Variants in BLNK observed in about 807,000 individuals in gnomAD.
BLNK encodes B cell linker.
In BLNK, 29 loss-of-function variants were observed where a neutral mutation model predicts 73.5. That is an observed-to-expected ratio of 0.39 (90% CI 0.29 to 0.54). The LOEUF (loss-of-function observed/expected upper bound fraction) is 0.54, where lower values mean the gene tolerates loss of function less well. BLNK is among the 20% of genes least tolerant of loss of function. BLNK has a pLI of 0.61. For missense variants in BLNK, 460 were observed against 562.8 expected (o/e 0.82, Z 1.85); for synonymous variants, 176 against 200.8 (o/e 0.88, Z 1.04).
intron 1 of BLNK, among the ~76,000 whole-genome samples, chr10:96,265,490 C>G (rs913391899): frequency 6.6e-6 from 1 of 152,188 alleles, no homozygotes; most frequent in Non-Finnish European, 1.5e-5. Flanking sequence ...CAGGAGAGAG[C>G]AACTTATAGC....
intron 3 of BLNK, among the ~76,000 whole-genome samples, chr10:96,237,418 A>G (rs12765160): frequency 0.26 from 39,049 of 152,034 alleles, 6,164 homozygotes; most frequent in Non-Finnish European, 0.35. Flanking sequence ...TCCTCCCTGC[A>G]TGATAGCAGA....
At chr10:96,203,750 T>C (rs943805410) in intron 13 of BLNK, 3 of 234,298 alleles carry the variant, frequency 1.3e-5, no homozygotes, top group Non-Finnish European at 2.5e-5. Flanking sequence ...TTACTTGATC[T>C]TATTATTTTG....
intron 8 of BLNK, among the ~76,000 whole-genome samples, chr10:96,215,065 G>T (rs2084032687): frequency 6.6e-6 from 1 of 152,128 alleles, no homozygotes; most frequent in Non-Finnish European, 1.5e-5. Context: ...CTCAGTCAAG[G>T]AAGGGGACAC....
intron 8 of BLNK, among the ~76,000 whole-genome samples, chr10:96,211,074 G>A (rs1286877215): frequency 6.6e-6 from 1 of 151,848 alleles, no homozygotes; most frequent in Non-Finnish European, 1.5e-5. Context: ...ATGTTGCCCA[G>A]GCTGGCCTTG....
chr10:96,228,202 C>T (rs1554903136), intron 4 of BLNK, among the ~76,000 whole-genome samples: 2 of 151,130 alleles, frequency 1.3e-5, no homozygotes. Context: ...TGGGTTCCAG[C>T]GATTCTCCTG....
In BLNK at chr10:96,204,569, C is replaced by T. The variant is rs782467007; in HGVS notation, c.865G>A (p.Glu289Lys). 2 of 1,614,120 alleles carry T rather than the reference C, an allele frequency of 1.2e-6. No individual in the cohort carries two copies. The highest frequency in any genetic ancestry group is 1.7e-6 in the Non-Finnish European group (2 of 1,179,962). ...GGAAACACTGGTGACTGCACAGCTT[C>T]TTGTCTGTGACTTGACCCTCGGTGG... ...ERHRGSSHRQEAVQSPVFPPA... is the reference protein window; with the variant it reads ...ERHRGSSHRQKAVQSPVFPPA... The change falls in exon 12 of 17, where the codon GAA becomes AAA. Residue 289 changes from glutamate (E) to lysine (K), a missense_variant. This residue lies in a region of BLNK where 233 missense variants were observed against 232.1 expected (regional missense o/e 1.00). Coordinates refer to ENST00000224337, the MANE Select transcript of BLNK (RefSeq NM_013314.4).
chr10:96,227,435 C>T lies in BLNK; in HGVS notation c.336G>A (p.Leu112=). Residue 112 remains leucine, a synonymous_variant, in exon 5 of 17, where the codon CTG becomes CTA. Coordinates refer to ENST00000224337, the MANE Select transcript of BLNK (RefSeq NM_013314.4). ...EQETRPVHPA[L]PFARGEYIDN... ...CTATATACTCGCCTCTGGCGAAGGG[C>T]AGGGCTGGGTGAACCGGCCTGGTTT... 4 of 1,614,150 alleles carry T rather than the reference C, an allele frequency of 2.5e-6. No individual in the cohort carries two copies. Among genetic ancestry groups the T allele is most frequent in the Non-Finnish European group, 2.5e-6 (3 of 1,180,052 alleles).
intron 8 of BLNK, among the ~76,000 whole-genome samples, chr10:96,214,859 G>T (rs2084028141): frequency 6.6e-6 from 1 of 152,144 alleles, no homozygotes; most frequent in Non-Finnish European, 1.5e-5. Context: ...CACAGAGTAG[G>T]GGCTATGAGC....
At position 96,190,309 on chromosome 10, in the gene BLNK, G is replaced by A. The variant is rs1554893097; in HGVS notation, c.*1664C>T. 2.6e-5 allele frequency: 16 copies of A among 619,052 alleles called. No individual in the cohort carries two copies. The East Asian group carries it at 3.3e-4, about 13-fold the overall frequency. The allele number at this position is 619,052 out of a possible 1,614,324, so 38.3% of individuals were successfully genotyped here. ...GAACAGCCATACAGGATGGAATCAC[G>A]CCAGTAGTATTGTTCCTGTGTGTCT... On this transcript the variant is annotated 3_prime_UTR_variant, in exon 17 of 17. Transcript: ENST00000224337.
intron 15 of BLNK, among the ~76,000 whole-genome samples, chr10:96,198,263 T>C (rs750371882): frequency 6.6e-6 from 1 of 152,058 alleles, no homozygotes; most frequent in African/African-American, 2.4e-5. Context: ...AAGACAGTGA[T>C]GGGAGAAAAA....
chr10:96,230,807 C>G lies in BLNK; in HGVS notation c.191G>C (p.Trp64Ser), dbSNP rs1842471945. 1.9e-6 allele frequency: 3 copies of G among 1,610,986 alleles called. 1 individual carries two copies. Among genetic ancestry groups the G allele is most frequent in the Admixed American group, 3.4e-5 (2 of 59,682 alleles). Reference protein sequence around the residue: ...SESPADEEEQWSDDFDSDYEN... With the variant: ...SESPADEEEQSSDDFDSDYEN... ...GCAAATACTTACAAAGTCATCGGACCACTGCTCCTCTTCGTCAGCAGGGCT... is the reference window on the plus strand; with the variant it reads ...GCAAATACTTACAAAGTCATCGGACGACTGCTCCTCTTCGTCAGCAGGGCT... Residue 64 changes from tryptophan (W) to serine (S), a missense_variant, in exon 4 of 17, where the codon TGG becomes TCG. By Grantham distance (177) the Trp-to-Ser change is radical. This residue lies in a region of BLNK where 139 missense variants were observed against 187.3 expected (regional missense o/e 0.74). Coordinates refer to ENST00000224337, the MANE Select transcript of BLNK (RefSeq NM_013314.4).
intron 5 of BLNK, among the ~76,000 whole-genome samples, chr10:96,225,459 C>T (rs1360220110): frequency 6.6e-6 from 1 of 152,176 alleles, no homozygotes; most frequent in Non-Finnish European, 1.5e-5. Context: ...CCTCAGAAGC[C>T]TCTTTCTGGT....
intron 3 of BLNK, chr10:96,239,102 G>C: frequency 2.5e-6 from 1 of 398,618 alleles, no homozygotes; most frequent in Non-Finnish European, 4.4e-6. Flanking sequence ...CTGCATTCCA[G>C]GAGAGATTAA....
intron 6 of BLNK, among the ~76,000 whole-genome samples, chr10:96,216,983 G>A (rs186261718): frequency 1.6e-4 from 25 of 152,220 alleles, no homozygotes; most frequent in Admixed American, 7.9e-4. Context: ...CCCATCCACC[G>A]CTTCCTTGAC....
At position 96,190,232 on chromosome 10, in the gene BLNK, C is replaced by A; in HGVS notation, c.*1741G>T. 1.3e-6 allele frequency: 1 copy of A among 749,974 alleles called. No individual in the cohort carries two copies. The highest frequency in any genetic ancestry group is 2.5e-5 in the East Asian group (1 of 40,034). 46.5% of individuals were successfully genotyped at this position (749,974 alleles called of 1,614,324 possible). A position where few individuals can be genotyped will look rare whatever the true frequency, so the allele number is the denominator to read the frequency against. ...TCGAATCTTCCATCAGGTGGCGGCACACACTTAGGTGGGAGAGAAAGCAGA... is the reference window on the plus strand; with the variant it reads ...TCGAATCTTCCATCAGGTGGCGGCAAACACTTAGGTGGGAGAGAAAGCAGA... On this transcript the variant is annotated 3_prime_UTR_variant, in exon 17 of 17. Coordinates refer to ENST00000224337, the MANE Select transcript of BLNK (RefSeq NM_013314.4).
At chr10:96,222,050 G>C (rs1482720601) in intron 6 of BLNK, among the ~76,000 whole-genome samples, 3 of 152,202 alleles carry the variant, frequency 2.0e-5, no homozygotes, top group Non-Finnish European at 4.4e-5. Context: ...ATTTTGTCAA[G>C]GCTCTAGAAT....
At chr10:96,251,444 G>A (rs1554909108) in intron 1 of BLNK, among the ~76,000 whole-genome samples, 2 of 152,182 alleles carry the variant, frequency 1.3e-5, no homozygotes, top group African/African-American at 4.8e-5. Context: ...TCCTTTTACT[G>A]AGATGAGTTG....
chr10:96,226,611 C>T (rs1230943250), intron 5 of BLNK, among the ~76,000 whole-genome samples: 1 of 152,010 alleles, frequency 6.6e-6, no homozygotes, highest in Non-Finnish European at 1.5e-5. Context: ...GAGGCCGAGG[C>T]GGTTGTATCA....
intron 5 of BLNK, among the ~76,000 whole-genome samples, chr10:96,226,340 A>T (rs782083337): frequency 6.6e-6 from 1 of 152,242 alleles, no homozygotes; most frequent in Non-Finnish European, 1.5e-5. Context: ...CAGTAAGCCC[A>T]GCTGGCCTTC....
Sources: allele counts gnomAD v4.1 joint callset (sites outside exome capture counted in the v4.1 genomes callset), GRCh38; gene constraint gnomAD v4.1.1; regional missense constraint gnomAD v4.1.1; transcripts MANE v1.5; gene names NCBI Gene and HGNC (gene_info 2026-07-23, HGNC 2026-07-21).